The following KIF16B variants were observed in gnomAD, a reference collection of about 807,000 sequenced individuals.
KIF16B encodes kinesin family member 16B, also known as kinesin-like protein KIF16B.
KIF16B carries 98 observed loss-of-function variants against 156.3 expected under a neutral mutation model. The ratio of observed to expected loss-of-function variants is 0.63; its 90% confidence interval spans 0.53 to 0.74. KIF16B has a LOEUF of 0.74. Among genes scored for constraint, KIF16B ranks in the 30% least tolerant of loss-of-function variants. The pLI is 0.00. For missense variants in KIF16B, 1,421 were observed against 1,606.5 expected (o/e 0.88, Z 1.97); for synonymous variants, 564 against 583.7 (o/e 0.97, Z 0.49).
chr20:16,555,204 T>G (rs1191923554), intron 1 of KIF16B, among the ~76,000 whole-genome samples: 1 of 152,212 alleles, frequency 6.6e-6, no homozygotes, highest in East Asian at 1.9e-4. Context: ...TTGCATTCAT[T>G]GTGCTTACTC....
chr20:16,497,957 C>T (rs1600547434), intron 10 of KIF16B, among the ~76,000 whole-genome samples: 3 of 92,040 alleles, frequency 3.3e-5, no homozygotes, highest in Admixed American at 1.1e-4. Context: ...CAAAATCAAA[C>T]ACAGTCTAAA....
intron 17 of KIF16B, among the ~76,000 whole-genome samples, chr20:16,390,648 C>T (rs530878134): frequency 2.6e-5 from 4 of 152,158 alleles, no homozygotes; most frequent in African/African-American, 9.7e-5. Flanking sequence ...TTCTATCTCA[C>T]CTTCTCAACC....
intron 23 of KIF16B, among the ~76,000 whole-genome samples, chr20:16,353,155 T>C (rs1312906298): frequency 6.6e-6 from 1 of 152,206 alleles, no homozygotes; most frequent in Non-Finnish European, 1.5e-5. Context: ...CTTTTAAAAA[T>C]AATACTTTTT....
chr20:16,502,280 T>C lies in KIF16B; in HGVS notation c.1176+2092A>G, dbSNP rs115263171. Reference sequence around the variant, plus strand: ...CCACAGCAGTACCTGGTATAGAATATTCTAGGAATAGAGCAATACTCCCAG... The same window carrying C: ...CCACAGCAGTACCTGGTATAGAATACTCTAGGAATAGAGCAATACTCCCAG... On this transcript the variant is annotated intron_variant, in intron 10 of 25. Transcript: ENST00000354981. 6.8e-3 allele frequency among the ~76,000 whole-genome samples: 1,042 copies of C among 152,258 alleles called. 8 individuals are homozygous for C. Among genetic ancestry groups the C allele is most frequent in the African/African-American group, 0.022 (919 of 41,570 alleles).
intron 22 of KIF16B, among the ~76,000 whole-genome samples, chr20:16,366,461 C>T (rs6080244): frequency 0.68 from 103,102 of 151,980 alleles, 36,177 homozygotes; most frequent in East Asian, 0.97. Flanking sequence ...GTGAGGGATA[C>T]GGGTTAGGTG....
At chr20:16,297,410 A>C (rs1460222320) in intron 25 of KIF16B, among the ~76,000 whole-genome samples, 3 of 152,210 alleles carry the variant, frequency 2.0e-5, no homozygotes, top group African/African-American at 7.2e-5. Flanking sequence ...ATTAATGTCC[A>C]GGCCAGGCAT....
At chr20:16,389,792 C>T (rs1055213011) in intron 17 of KIF16B, among the ~76,000 whole-genome samples, 5 of 152,154 alleles carry the variant, frequency 3.3e-5, no homozygotes, top group African/African-American at 1.2e-4. Context: ...CTCTGGGAGA[C>T]TGATGAAAAG....
chr20:16,334,728 T>G (rs1423029064), intron 24 of KIF16B, among the ~76,000 whole-genome samples: 2 of 152,120 alleles, frequency 1.3e-5, no homozygotes, highest in African/African-American at 4.8e-5. Context: ...TAGGACCCCC[T>G]CCTTTCTCTC....
At chr20:16,397,933 T>C (rs1045498665) in intron 17 of KIF16B, among the ~76,000 whole-genome samples, 7 of 152,250 alleles carry the variant, frequency 4.6e-5, no homozygotes, top group African/African-American at 1.7e-4. Context: ...TCAATGAATA[T>C]TTGTGAGGTG....
At chr20:16,506,473 G>A (rs745584202) in intron 7 of KIF16B, among the ~76,000 whole-genome samples, 3 of 152,168 alleles carry the variant, frequency 2.0e-5, no homozygotes, top group African/African-American at 4.8e-5. Context: ...ACTAGGCACT[G>A]AGTGGCACTC....
At chr20:16,546,069 G>A (rs1040886635) in intron 1 of KIF16B, among the ~76,000 whole-genome samples, 1 of 152,148 alleles carries the variant, frequency 6.6e-6, no homozygotes, top group East Asian at 1.9e-4. Flanking sequence ...GAACAAGATG[G>A]AATTTTGGTT....
intron 17 of KIF16B, among the ~76,000 whole-genome samples, chr20:16,401,528 T>G (rs917916344): frequency 3.3e-5 from 5 of 152,234 alleles, no homozygotes; most frequent in Non-Finnish European, 5.9e-5. Flanking sequence ...TTACTAAAAT[T>G]TTATTCTTAA....
intron 17 of KIF16B, among the ~76,000 whole-genome samples, chr20:16,392,439 A>G (rs2065389122): frequency 6.6e-6 from 1 of 152,226 alleles, no homozygotes; most frequent in Admixed American, 6.5e-5. Context: ...CACTGTGCAC[A>G]TTTGTGGGTA....
intron 24 of KIF16B, among the ~76,000 whole-genome samples, chr20:16,323,814 G>T (rs1410627060): frequency 6.6e-6 from 1 of 151,716 alleles, no homozygotes; most frequent in African/African-American, 2.4e-5. Context: ...AACAGAAGCT[G>T]CTGTCCTGTT....
chr20:16,283,126 A>C (rs2063171239), intron 25 of KIF16B, among the ~76,000 whole-genome samples: 1 of 152,182 alleles, frequency 6.6e-6, no homozygotes, highest in Non-Finnish European at 1.5e-5. Context: ...TTTCTATAAA[A>C]GGATGGATGG....
chr20:16,510,131 T>C (rs2068910493), intron 6 of KIF16B, among the ~76,000 whole-genome samples: 1 of 152,206 alleles, frequency 6.6e-6, no homozygotes. Flanking sequence ...CCTAAGTATC[T>C]AGGTCAGATT....
At chr20:16,286,821 G>A (rs2063229402) in intron 25 of KIF16B, among the ~76,000 whole-genome samples, 1 of 152,196 alleles carries the variant, frequency 6.6e-6, no homozygotes, top group African/African-American at 2.4e-5. Context: ...CATGCTTCGT[G>A]GGATTCACAC....
intron 17 of KIF16B, among the ~76,000 whole-genome samples, chr20:16,397,276 C>G (rs944479763): frequency 4.6e-5 from 7 of 152,190 alleles, no homozygotes; most frequent in African/African-American, 1.7e-4. Flanking sequence ...AACTAACTCC[C>G]AAAGGAAGTC....
intron 2 of KIF16B, among the ~76,000 whole-genome samples, chr20:16,527,633 G>C (rs1034506237): frequency 6.6e-6 from 1 of 152,162 alleles, no homozygotes; most frequent in Non-Finnish European, 1.5e-5. Flanking sequence ...CTGGAGTGCA[G>C]TGGCACAAAC....
Sources: gnomAD v4.1 joint callset for allele counts (sites outside exome capture counted in the v4.1 genomes callset) on GRCh38, gnomAD v4.1.1 for gene constraint, MANE v1.5 for transcripts, NCBI Gene and HGNC (gene_info 2026-07-23, HGNC 2026-07-21) for gene names.